Variants in TMEM132D observed in about 807,000 individuals in gnomAD.
The protein encoded by TMEM132D is mature OL transmembrane protein.
A neutral mutation model predicts 62.3 loss-of-function variants in TMEM132D; 21 were observed. The ratio of observed to expected loss-of-function variants is 0.34; its 90% CI spans 0.24 to 0.49. The LOEUF (loss-of-function observed/expected upper bound fraction) is 0.49, where lower values mean the gene tolerates loss of function less well. TMEM132D is among the 20% of genes least tolerant of loss of function. TMEM132D has a pLI of 0.99. For missense variants in TMEM132D, 1,346 were observed against 1,402.8 expected (o/e 0.96, Z 0.65); for synonymous variants, 621 against 575.6 (o/e 1.08, Z -1.13).
chr12:129,623,666 TATATATAC>T (rs1565926816), intron 2 of TMEM132D, among the ~76,000 whole-genome samples: 1 of 132,942 alleles, frequency 7.5e-6, no homozygotes, highest in African/African-American at 2.7e-5. Context: ...TATATATACA[TATATATAC>T]ACATATATAT....
chr12:129,709,873 C>A (rs1309951701), intron 1 of TMEM132D, among the ~76,000 whole-genome samples: 2 of 152,054 alleles, frequency 1.3e-5, no homozygotes, highest in Non-Finnish European at 2.9e-5. Flanking sequence ...TTTTATGTAC[C>A]ACTAAGAGGC....
intron 5 of TMEM132D, among the ~76,000 whole-genome samples, chr12:129,171,808 C>G (rs746548005): frequency 6.6e-6 from 1 of 152,188 alleles, no homozygotes; most frequent in African/African-American, 2.4e-5. Context: ...CAAACAGATA[C>G]GCTGCGATAC....
At chr12:129,466,279 C>CTGTTTTTTTTTTTTTTTT (rs1566078686) in intron 3 of TMEM132D, among the ~76,000 whole-genome samples, 1 of 100,398 alleles carries the variant, frequency 1.0e-5, no homozygotes, top group African/African-American at 3.8e-5. Context: ...TAGATTTTTC[C>CTGTTTTTTTTTTTTTTTT]TTTTTTTTTT....
intron 1 of TMEM132D, among the ~76,000 whole-genome samples, chr12:129,755,360 GA>G (rs988690109): frequency 6.6e-5 from 10 of 152,104 alleles, no homozygotes; most frequent in Non-Finnish European, 1.2e-4. Context: ...CTATTTTTAC[GA>G]AAAGTGTGCT....
chr12:129,295,776 C>A (rs1289677746), intron 4 of TMEM132D, among the ~76,000 whole-genome samples: 1 of 152,114 alleles, frequency 6.6e-6, no homozygotes, highest in Admixed American at 6.5e-5. Flanking sequence ...CTTTGTACAT[C>A]TGATTATACA....
At chr12:129,732,378 G>C (rs776896310) in intron 1 of TMEM132D, among the ~76,000 whole-genome samples, 2 of 152,156 alleles carry the variant, frequency 1.3e-5, no homozygotes, top group Non-Finnish European at 2.9e-5. Flanking sequence ...GACTGAAATA[G>C]TTTAAACATT....
intron 1 of TMEM132D, among the ~76,000 whole-genome samples, chr12:129,870,263 A>G (rs905074384): frequency 6.6e-6 from 1 of 152,172 alleles, no homozygotes; most frequent in African/African-American, 2.4e-5. Flanking sequence ...GATTACAGGC[A>G]TGAGCCACCA....
intron 1 of TMEM132D, among the ~76,000 whole-genome samples, chr12:129,870,248 G>A (rs1038030686): frequency 6.6e-6 from 1 of 152,176 alleles, no homozygotes; most frequent in African/African-American, 2.4e-5. Context: ...CTCTCAAGGT[G>A]CTGAGATTAC....
At chr12:129,096,887 C>G (rs1875133321) in intron 5 of TMEM132D, among the ~76,000 whole-genome samples, 1 of 152,198 alleles carries the variant, frequency 6.6e-6, no homozygotes, top group Non-Finnish European at 1.5e-5. Flanking sequence ...TTTCCACTTT[C>G]AGTCCTTTCC....
At chr12:129,284,149 T>C (rs951266898) in intron 4 of TMEM132D, among the ~76,000 whole-genome samples, 1 of 152,146 alleles carries the variant, frequency 6.6e-6, no homozygotes, top group Admixed American at 6.5e-5. Flanking sequence ...CGGCCTAATC[T>C]AGTCCCCGGA....
intron 5 of TMEM132D, among the ~76,000 whole-genome samples, chr12:129,156,549 A>G (rs541278666): frequency 6.6e-6 from 1 of 152,014 alleles, no homozygotes; most frequent in Non-Finnish European, 1.5e-5. Context: ...TAAATAACCC[A>G]CTTTTGTGGT....
chr12:129,755,052 C>A (rs1471444380), intron 1 of TMEM132D, among the ~76,000 whole-genome samples: 1 of 152,182 alleles, frequency 6.6e-6, no homozygotes, highest in Admixed American at 6.5e-5. Context: ...GTTTCTTAGG[C>A]TCCCCCAAGG....
At chr12:129,451,259 A>C (rs1405261296) in intron 3 of TMEM132D, among the ~76,000 whole-genome samples, 2 of 152,188 alleles carry the variant, frequency 1.3e-5, no homozygotes, top group East Asian at 3.9e-4. Context: ...TATACAACAG[A>C]AACAAATCTG....
chr12:129,424,699 C>T, intron 3 of TMEM132D, among the ~76,000 whole-genome samples: 1 of 105,138 alleles, frequency 9.5e-6, no homozygotes, highest in Non-Finnish European at 1.8e-5. Context: ...CAGAGCGAGA[C>T]TCCATCTCAA....
intron 1 of TMEM132D, among the ~76,000 whole-genome samples, chr12:129,879,687 A>C (rs1269643830): frequency 6.6e-6 from 1 of 152,212 alleles, no homozygotes; most frequent in Non-Finnish European, 1.5e-5. Context: ...TGCTAGAAAT[A>C]ATATAATCAT....
chr12:129,827,290 A>G lies in TMEM132D; in HGVS notation c.79+75971T>C, dbSNP rs1479729795. Reference sequence around the variant, plus strand: ...ACACTGAGGCTTGAAGAAACTAAGTAATTTGCCCAACAGCACCCAGTTAAC... The same window carrying G: ...ACACTGAGGCTTGAAGAAACTAAGTGATTTGCCCAACAGCACCCAGTTAAC... On this transcript the variant is annotated intron_variant, in intron 1 of 8. Coordinates refer to ENST00000422113, the MANE Select transcript of TMEM132D (RefSeq NM_133448.3). This position sits in a 1 kb window ranked among gnomAD's most constrained non-coding sequence, Gnocchi z 9.7. Among the ~76,000 whole-genome samples, 1 of 152,136 alleles carries G rather than the reference A, an allele frequency of 6.6e-6. No individual in the cohort carries two copies. The highest frequency in any genetic ancestry group is 1.9e-4 in the East Asian group (1 of 5,192).
intron 2 of TMEM132D, among the ~76,000 whole-genome samples, chr12:129,555,981 G>T (rs542908011): frequency 2.6e-5 from 4 of 152,128 alleles, no homozygotes; most frequent in Non-Finnish European, 4.4e-5. Context: ...TGACATTCTT[G>T]GGTGATGGGT....
rs1566077540 is a variant in TMEM132D at position 129,463,476 on chromosome 12, T to TTTATG, written c.1115+67582_1115+67583insCATAA. Among the ~76,000 whole-genome samples the TTTATG allele has an allele frequency of 2.2e-4, 33 of 148,162 alleles. 1 individual carries two copies. Among genetic ancestry groups the TTTATG allele is most frequent in the African/African-American group, 8.2e-4 (33 of 40,262 alleles). Reference sequence around the variant, plus strand: ...TATTTATTTATTTATTTATGTATTATTATTATTATTATTATACTTTAAGTT... The same window carrying TTTATG: ...TATTTATTTATTTATTTATGTATTATTTATGTATTATTATTATTATACTTTAAGTT... On this transcript the variant is annotated intron_variant, in intron 3 of 8. Transcript: ENST00000422113.
At chr12:129,750,994 A>G (rs1204872437) in intron 1 of TMEM132D, among the ~76,000 whole-genome samples, 1 of 152,214 alleles carries the variant, frequency 6.6e-6, no homozygotes, top group African/African-American at 2.4e-5. Context: ...ATCACATTTA[A>G]AATCTTTGAT....
Sources: allele counts gnomAD v4.1 joint callset (sites outside exome capture counted in the v4.1 genomes callset), GRCh38; gene constraint gnomAD v4.1.1; non-coding constraint Gnocchi (gnomAD v3.1); transcripts MANE v1.5; gene names NCBI Gene and HGNC (gene_info 2026-07-23, HGNC 2026-07-21).